The following PALS1 variants were observed in gnomAD, a reference collection of about 807,000 sequenced individuals.
PALS1 encodes the protein protein PALS1.
In PALS1, 31 loss-of-function variants were observed where a neutral mutation model predicts 78.9. That is an observed-to-expected ratio of 0.39 (90% CI 0.30 to 0.53). The LOEUF (loss-of-function observed/expected upper bound fraction) is 0.53. Ranked by LOEUF, PALS1 falls within the 20% of genes least tolerant of loss-of-function variation. The probability of loss-of-function intolerance (pLI) is 0.67; values close to 1 mark genes in which losing one functional copy is unlikely to be tolerated. For missense variants in PALS1, 704 were observed against 826.5 expected (o/e 0.85, Z 1.82); for synonymous variants, 276 against 270.9 (o/e 1.02, Z -0.18).
intron 2 of PALS1, among the ~76,000 whole-genome samples, chr14:67,274,736 G>C (rs1206450171): frequency 1.3e-5 from 2 of 152,124 alleles, no homozygotes; most frequent in Non-Finnish European, 2.9e-5. Flanking sequence ...TCACGATATT[G>C]ATTCTTCCCA....
intron 2 of PALS1, among the ~76,000 whole-genome samples, chr14:67,275,968 C>T (rs2084496612): frequency 6.6e-6 from 1 of 151,856 alleles, no homozygotes; most frequent in African/African-American, 2.4e-5. Flanking sequence ...GTGGTGATAC[C>T]CCCTTTATCA....
chr14:67,274,835 C>T (rs2084472679), intron 2 of PALS1, among the ~76,000 whole-genome samples: 1 of 152,214 alleles, frequency 6.6e-6, no homozygotes, highest in South Asian at 2.1e-4. Flanking sequence ...AGAGGTCCTT[C>T]ACATCCCTTG....
At position 67,297,496 on chromosome 14, in the gene PALS1, T is replaced by C. The variant is rs374053382; in HGVS notation, c.577-3893T>C. Among the ~76,000 whole-genome samples the C allele has an allele frequency of 1.7e-3, 263 of 152,284 alleles. 14 individuals are homozygous for C. In the South Asian group the frequency reaches 0.054, roughly 31 times the overall value. ...TTCATAAAACATTTAAAGCAAGAAATTTATTCTATACATGATTGCGAATCT... is the reference window on the plus strand; with the variant it reads ...TTCATAAAACATTTAAAGCAAGAAACTTATTCTATACATGATTGCGAATCT... On this transcript the variant is annotated intron_variant, in intron 4 of 14. Transcript: ENST00000261681.
intron 1 of PALS1, among the ~76,000 whole-genome samples, chr14:67,257,677 AACAT>A (rs1169072423): frequency 6.6e-6 from 1 of 152,194 alleles, no homozygotes; most frequent in African/African-American, 2.4e-5. Flanking sequence ...ATGTATATAT[AACAT>A]ACAGCCTATT....
chr14:67,251,855 C>T (rs1363982198), intron 1 of PALS1, among the ~76,000 whole-genome samples: 1 of 152,174 alleles, frequency 6.6e-6, no homozygotes, highest in Non-Finnish European at 1.5e-5. Flanking sequence ...GCCAGAAAGA[C>T]CAAGGCATGG....
At position 67,333,601 on chromosome 14, in the gene PALS1, CTTTGT is replaced by C; in HGVS notation, c.*646_*650del. The C allele has an allele frequency of 6.6e-6, 1 of 152,618 alleles. No individual in the cohort carries two copies. Among genetic ancestry groups the C allele is most frequent in the Non-Finnish European group, 1.5e-5 (1 of 67,976 alleles). 9.5% of individuals were successfully genotyped at this position (152,618 alleles called of 1,614,324 possible). On this transcript the variant is annotated 3_prime_UTR_variant, in exon 15 of 15. Transcript: ENST00000261681. ...AGAAGCACCAGTTTTTTTGCTCAGA[CTTTGT>C]GGATCAGACTCTACACTCAACACAC...
chr14:67,258,150 G>A (rs2084176112), intron 1 of PALS1, among the ~76,000 whole-genome samples: 1 of 151,932 alleles, frequency 6.6e-6, no homozygotes, highest in Admixed American at 6.6e-5. Context: ...ATAGATAGCA[G>A]TGTGCAGGGT....
intron 14 of PALS1, among the ~76,000 whole-genome samples, chr14:67,325,225 C>T (rs2085333895): frequency 6.6e-6 from 1 of 152,118 alleles, no homozygotes; most frequent in Non-Finnish European, 1.5e-5. Flanking sequence ...CTTGACTGTC[C>T]ACCACAACAC....
rs568185408 is a variant in PALS1 at position 67,325,567 on chromosome 14, G to A, written c.1851+1755G>A. On this transcript the variant is annotated intron_variant, in intron 14 of 14. Coordinates refer to ENST00000261681, the MANE Select transcript of PALS1 (RefSeq NM_022474.4). ...AGGATCACAATATAACAAGAGAAAC[G>A]AGATTAATACTGTGTAAAATTTAGT... Among the ~76,000 whole-genome samples the A allele has an allele frequency of 5.3e-5, 8 of 152,226 alleles. No homozygotes were observed. The South Asian group carries it at 8.3e-4, about 16-fold the overall frequency.
chr14:67,272,736 A>G (rs776558461), intron 2 of PALS1, among the ~76,000 whole-genome samples: 2 of 152,098 alleles, frequency 1.3e-5, no homozygotes, highest in Admixed American at 1.3e-4. Context: ...TTGGCTCACT[A>G]CAACCTCTGC....
chr14:67,243,489 A>ATTTTT (rs55985752), intron 1 of PALS1, among the ~76,000 whole-genome samples: 7 of 100,292 alleles, frequency 7.0e-5, no homozygotes, highest in African/African-American at 8.2e-5. Context: ...CCAGAATATA[A>ATTTTT]TTTTTTTTTT....
In PALS1 at chr14:67,303,583, C is replaced by T; in HGVS notation, c.1025C>T (p.Pro342Leu). 3.1e-6 allele frequency: 5 copies of T among 1,613,210 alleles called. No homozygotes were observed. Among genetic ancestry groups the T allele is most frequent in the Non-Finnish European group, 4.2e-6 (5 of 1,179,202 alleles). ...CCCAGTCAACAGATCAAGCCGCCTC[C>T]TGCCAAGGAAACAGTAGTAAGTGAT... ...LIPSQQIKPP[P>L]AKETVIHVKA... The change falls in exon 8 of 15, where the codon CCT (proline) becomes CTT (leucine). Residue 342 changes from proline (P) to leucine (L), a missense_variant. Transcript: ENST00000261681.
chr14:67,302,264 A>T, intron 6 of PALS1, 146 bp downstream of exon 6: 1 of 1,092,390 alleles, frequency 9.2e-7, no homozygotes, highest in Non-Finnish European at 1.2e-6. Flanking sequence ...AAATCTAATT[A>T]CAATTACTCT....
intron 3 of PALS1, among the ~76,000 whole-genome samples, chr14:67,282,154 GT>G (rs2084616051): frequency 1.3e-5 from 2 of 152,058 alleles, no homozygotes; most frequent in African/African-American, 4.8e-5. Context: ...ATAGCCTCAG[GT>G]TTTTAACTTT....
At chr14:67,289,472 C>G (rs2084738844) in intron 3 of PALS1, among the ~76,000 whole-genome samples, 1 of 152,032 alleles carries the variant, frequency 6.6e-6, no homozygotes, top group Non-Finnish European at 1.5e-5. Flanking sequence ...GCAAATTTTT[C>G]TGTCTGTGGG....
At chr14:67,307,314 A>G (rs201767024) in intron 8 of PALS1, among the ~76,000 whole-genome samples, 1 of 149,328 alleles carries the variant, frequency 6.7e-6, no homozygotes, top group South Asian at 2.2e-4. Context: ...TACTATAATA[A>G]TATGTAGGGA....
rs3840819 is a variant in PALS1 at position 67,335,741 on chromosome 14, A to ACT, written c.*2786_*2787dup. ...CTTTGTACTCTTTTCCTGTATCTGC[A>ACT]CTGTTATTTTGAGATGTCATACTGT... On this transcript the variant is annotated 3_prime_UTR_variant, in exon 15 of 15. Coordinates refer to ENST00000261681, the MANE Select transcript of PALS1 (RefSeq NM_022474.4). 0.1 allele frequency: 15,393 copies of ACT among 152,648 alleles called. 1,202 individuals carry two copies. Among genetic ancestry groups the ACT allele is most frequent in the African/African-American group, 0.22 (9,097 of 41,498 alleles). 9.5% of individuals were successfully genotyped at this position (152,648 alleles called of 1,614,324 possible). A position where few individuals can be genotyped will look rare whatever the true frequency, so the allele number is the denominator to read the frequency against.
chr14:67,324,974 G>A (rs571398486), intron 14 of PALS1, among the ~76,000 whole-genome samples: 46 of 136,252 alleles, frequency 3.4e-4, no homozygotes, highest in Non-Finnish European at 5.6e-4. Context: ...GCGCAATCTC[G>A]GCTGACTGCA....
chr14:67,308,532 AT>A (rs974940695), intron 8 of PALS1, among the ~76,000 whole-genome samples: 2 of 137,744 alleles, frequency 1.5e-5, no homozygotes, highest in African/African-American at 5.5e-5. Context: ...CTCTCCAAAT[AT>A]TTTTTTCTTT....
Sources: allele counts gnomAD v4.1 joint callset (sites outside exome capture counted in the v4.1 genomes callset), GRCh38; gene constraint gnomAD v4.1.1; transcripts MANE v1.5; gene names NCBI Gene and HGNC (gene_info 2026-07-23, HGNC 2026-07-21).